SPAG16: variants seen among roughly 807,000 people sequenced by gnomAD.
SPAG16 encodes the protein sperm associated antigen 16, also known as sperm-associated antigen 16 protein.
SPAG16 carries 86 observed loss-of-function variants against 80.4 expected under a neutral mutation model. That is an observed-to-expected ratio of 1.07 (90% CI 0.90 to 1.28). The LOEUF is 1.28. Among genes scored for constraint, SPAG16 ranks in the 50% most tolerant of loss-of-function variants. The pLI is 0.00. For synonymous variants in SPAG16, 294 were observed against 265.9 expected, an observed-to-expected ratio of 1.11 and a Z score of -1.03; for missense variants, 870 against 765.3, an observed-to-expected ratio of 1.14 and a Z score of -1.61.
At chr2:213,991,890 T>TATTTATTTATTTATTTATTC (rs1048402996) in intron 12 of SPAG16, among the ~76,000 whole-genome samples, 11 of 151,432 alleles carry the variant, frequency 7.3e-5, no homozygotes, top group African/African-American at 2.7e-4. Flanking sequence ...TTTATTTATT[T>TATTTATTTATTTATTTATTC]ATTCTTGTTT....
intron 15 of SPAG16, among the ~76,000 whole-genome samples, chr2:214,278,029 C>T (rs1349832053): frequency 6.6e-6 from 1 of 152,204 alleles, no homozygotes; most frequent in African/African-American, 2.4e-5. Flanking sequence ...ATGCCCCTCC[C>T]CCTGCCAGGC....
intron 10 of SPAG16, among the ~76,000 whole-genome samples, chr2:213,573,105 G>T (rs2059982174): frequency 6.6e-6 from 1 of 152,144 alleles, no homozygotes; most frequent in African/African-American, 2.4e-5. Context: ...CTCACGCACG[G>T]TGCGCGCACC....
chr2:214,030,633 G>A (rs536011100), intron 13 of SPAG16, among the ~76,000 whole-genome samples: 1 of 152,264 alleles, frequency 6.6e-6, no homozygotes, highest in East Asian at 1.9e-4. Flanking sequence ...GTTAATTTAA[G>A]TCTATGAGTC....
intron 10 of SPAG16, among the ~76,000 whole-genome samples, chr2:213,753,244 C>T (rs2068163848): frequency 6.6e-6 from 1 of 152,162 alleles, no homozygotes; most frequent in South Asian, 2.1e-4. Flanking sequence ...GATTTCCTGA[C>T]CTCGTGATCC....
At chr2:214,327,045 C>G (rs1309473204) in intron 15 of SPAG16, among the ~76,000 whole-genome samples, 1 of 151,234 alleles carries the variant, frequency 6.6e-6, no homozygotes, top group African/African-American at 2.4e-5. Flanking sequence ...CTCTTACAAG[C>G]CATCCACAGA....
At chr2:213,894,940 G>GATC (rs2076930646) in intron 11 of SPAG16, among the ~76,000 whole-genome samples, 1 of 128,672 alleles carries the variant, frequency 7.8e-6, no homozygotes, top group Admixed American at 9.5e-5. Flanking sequence ...AGTGAGCTGA[G>GATC]ATCGTGCCAT....
chr2:214,122,124 CAT>C (rs1360450361), intron 14 of SPAG16, among the ~76,000 whole-genome samples: 2 of 151,516 alleles, frequency 1.3e-5, no homozygotes, highest in Non-Finnish European at 3.0e-5. Context: ...TTTTCTATAA[CAT>C]AATAGTAGTG....
chr2:214,395,872 T>A (rs1297060148), intron 15 of SPAG16, among the ~76,000 whole-genome samples: 2 of 152,216 alleles, frequency 1.3e-5, no homozygotes, highest in African/African-American at 4.8e-5. Flanking sequence ...CATTCTTTGT[T>A]ATGGCTGCAT....
At chr2:213,700,842 G>A (rs573690250) in intron 10 of SPAG16, among the ~76,000 whole-genome samples, 2 of 151,768 alleles carry the variant, frequency 1.3e-5, no homozygotes, top group South Asian at 4.2e-4. Context: ...GTTTTTCTTT[G>A]TGCATTTAAA....
intron 10 of SPAG16, among the ~76,000 whole-genome samples, chr2:213,588,825 A>AAAAAAAAAAAAAAAAAAAG (rs2060572690): frequency 7.0e-6 from 1 of 142,984 alleles, no homozygotes; most frequent in African/African-American, 2.5e-5. Context: ...AAAAAAAAAA[A>AAAAAAAAAAAAAAAAAAAG]AAAAAAAAAA....
chr2:213,676,764 G>A (rs1364779308), intron 10 of SPAG16, among the ~76,000 whole-genome samples: 1 of 150,644 alleles, frequency 6.6e-6, no homozygotes, highest in East Asian at 1.9e-4. Flanking sequence ...GCTTTTTGAT[G>A]TGCTGCTGGA....
intron 10 of SPAG16, among the ~76,000 whole-genome samples, chr2:213,572,695 G>T (rs1228508157): frequency 6.6e-6 from 1 of 152,140 alleles, no homozygotes; most frequent in East Asian, 2.0e-4. Context: ...CTTTTTGTTT[G>T]TCTGTGCCCT....
chr2:214,250,992 C>CT (rs1220892373), intron 15 of SPAG16, among the ~76,000 whole-genome samples: 1 of 151,192 alleles, frequency 6.6e-6, no homozygotes, highest in Non-Finnish European at 1.5e-5. Flanking sequence ...ATTAAAAAGT[C>CT]TTTTTTTCTA....
chr2:214,114,523 C>G (rs560613624), intron 14 of SPAG16, among the ~76,000 whole-genome samples: 3 of 152,316 alleles, frequency 2.0e-5, no homozygotes, highest in Admixed American at 1.3e-4. Context: ...GCCCCTCCCC[C>G]TGCCAGGCTG....
intron 10 of SPAG16, among the ~76,000 whole-genome samples, chr2:213,643,502 T>C (rs960935821): frequency 1.4e-5 from 2 of 147,906 alleles, no homozygotes; most frequent in African/African-American, 2.5e-5. Context: ...TTGTATTAAA[T>C]CTGCTTGGTG....
intron 10 of SPAG16, among the ~76,000 whole-genome samples, chr2:213,584,694 T>G (rs935678311): frequency 6.6e-6 from 1 of 151,632 alleles, no homozygotes; most frequent in Admixed American, 6.6e-5. Flanking sequence ...CTAGACAGAG[T>G]TATAGGGCAG....
chr2:213,331,223 G>C (rs1022132414), intron 5 of SPAG16, among the ~76,000 whole-genome samples: 1 of 152,198 alleles, frequency 6.6e-6, no homozygotes, highest in African/African-American at 2.4e-5. Context: ...GCATGCCTGG[G>C]TCCTGAGGCC....
chr2:213,354,149 A>G (rs1012800798), intron 7 of SPAG16, among the ~76,000 whole-genome samples: 2 of 151,966 alleles, frequency 1.3e-5, no homozygotes, highest in African/African-American at 4.8e-5. Context: ...GGTTTTCTGT[A>G]CCTGTGATAG....
At chr2:213,391,684 T>C (rs1001988724) in intron 9 of SPAG16, among the ~76,000 whole-genome samples, 1 of 152,232 alleles carries the variant, frequency 6.6e-6, no homozygotes, top group African/African-American at 2.4e-5. Flanking sequence ...TAAGGGAAGA[T>C]AAAAGATCTC....
Sources: gnomAD v4.1 joint callset for allele counts (sites outside exome capture counted in the v4.1 genomes callset) on GRCh38, gnomAD v4.1.1 for gene constraint, MANE v1.5 for transcripts, NCBI Gene and HGNC (gene_info 2026-07-23, HGNC 2026-07-21) for gene names.